SMARCA4: variants seen among roughly 807,000 people sequenced by gnomAD.
SMARCA4 encodes the protein SWI/SNF-related matrix-associated actin-dependent regulator of chromatin subfamily A member 4.
Under a neutral mutation model 193.9 loss-of-function variants are expected in SMARCA4, and 31 were observed. The observed-to-expected ratio is 0.16, with a 90% confidence interval of 0.12 to 0.22. The LOEUF (loss-of-function observed/expected upper bound fraction) is 0.22. Among genes scored for constraint, SMARCA4 ranks in the 10% least tolerant of loss-of-function variants. SMARCA4 has a pLI of 1.00. For synonymous variants in SMARCA4, 942 were observed against 933.1 expected, an observed-to-expected ratio of 1.01 and a Z score of -0.17; for missense variants, 1,148 against 2,296.0, an observed-to-expected ratio of 0.50 and a Z score of 10.22.
At chr19:10,970,346 A>G (rs1227169513) in intron 1 of SMARCA4, among the ~76,000 whole-genome samples, 7 of 152,160 alleles carry the variant, frequency 4.6e-5, no homozygotes, top group Non-Finnish European at 7.3e-5. Context: ...GGAATTCCCA[A>G]TTTATAGGTG....
At chr19:11,018,519 C>T (rs555566391) in intron 16 of SMARCA4, among the ~76,000 whole-genome samples, 2 of 152,262 alleles carry the variant, frequency 1.3e-5, no homozygotes, top group South Asian at 2.1e-4. Flanking sequence ...AGGAACCTTC[C>T]GTGGCTGGAG....
intron 1 of SMARCA4, among the ~76,000 whole-genome samples, chr19:10,981,350 T>A (rs1373261853): frequency 9.2e-5 from 14 of 152,214 alleles, no homozygotes; most frequent in Admixed American, 8.5e-4. Flanking sequence ...GGCTTCAGGC[T>A]CCAAAATCAG....
intron 8 of SMARCA4, among the ~76,000 whole-genome samples, chr19:10,991,638 A>G (rs1325526190): frequency 6.6e-6 from 1 of 152,186 alleles, no homozygotes; most frequent in Non-Finnish European, 1.5e-5. Flanking sequence ...TTTGGAGGTG[A>G]CATCTGGGCA....
intron 13 of SMARCA4, among the ~76,000 whole-genome samples, chr19:11,003,754 C>T (rs902240411): frequency 1.3e-5 from 2 of 151,252 alleles, no homozygotes; most frequent in Non-Finnish European, 2.9e-5. Flanking sequence ...CTCTGTCACC[C>T]AGGCTGGAGT....
At position 11,002,799 on chromosome 19, in the gene SMARCA4, CAA is replaced by C. The variant is rs747143883; in HGVS notation, c.1813-209_1813-208del. On this transcript the variant is annotated intron_variant, in intron 11 of 34. Coordinates refer to ENST00000344626, the MANE Select transcript of SMARCA4 (RefSeq NM_003072.5). ...TGGGTGACAGAGCGAGACTCCGTCT[CAA>C]AAAAAAAAAAAAAAAAAAAAGAAGA... is the stretch of plus-strand genomic sequence containing the variant. Among the ~76,000 whole-genome samples, 12,031 of 83,602 alleles carry C rather than the reference CAA, an allele frequency of 0.14. 380 individuals are homozygous for C. Among genetic ancestry groups the C allele is most frequent in the African/African-American group, 0.17 (3,604 of 21,522 alleles). 54.8% of individuals were successfully genotyped at this position (83,602 alleles called of 152,430 possible). A position where few individuals can be genotyped will look rare whatever the true frequency, so the allele number is the denominator to read the frequency against.
intron 30 of SMARCA4, among the ~76,000 whole-genome samples, chr19:11,046,944 G>A (rs2075960431): frequency 9.6e-6 from 1 of 103,766 alleles, no homozygotes; most frequent in African/African-American, 3.9e-5. Flanking sequence ...GTGAGACCCT[G>A]TTGCAAAAAA....
intron 1 of SMARCA4, among the ~76,000 whole-genome samples, chr19:10,967,838 C>T (rs988147895): frequency 2.6e-5 from 4 of 151,728 alleles, no homozygotes; most frequent in African/African-American, 9.7e-5. Context: ...GCGTGCGCCA[C>T]CATGCCCGGC....
In SMARCA4 at chr19:10,980,633, CAA is replaced by C. The variant is rs34189729; in HGVS notation, c.-31-3476_-31-3475del. On this transcript the variant is annotated intron_variant, in intron 1 of 34. Transcript: ENST00000344626. ...TGGGCGACAGAGTGAGACTCTGTCT[CAA>C]AAAAAAAAAAATGTACAATGAGGAG... 4.4e-3 allele frequency: 645 copies of C among 146,178 alleles called. 7 individuals carry two copies. The highest frequency in any genetic ancestry group is 0.013 in the African/African-American group (514 of 39,854). The allele number at this position is 146,178 out of a possible 1,614,324, so 9.1% of individuals were successfully genotyped here.
At chr19:10,970,733 G>A (rs902758882) in intron 1 of SMARCA4, among the ~76,000 whole-genome samples, 1 of 152,202 alleles carries the variant, frequency 6.6e-6, no homozygotes, top group Admixed American at 6.6e-5. Flanking sequence ...GGGAGATAGA[G>A]TCTGAATTGA....
chr19:11,020,344 G>GA (rs1356912630), intron 18 of SMARCA4, among the ~76,000 whole-genome samples: 3 of 152,066 alleles, frequency 2.0e-5, no homozygotes, highest in Non-Finnish European at 1.5e-5. Context: ...GAGGGGTAAA[G>GA]ATGTACCTGG....
chr19:11,036,081 T>C (rs1038976403), intron 29 of SMARCA4, among the ~76,000 whole-genome samples: 1 of 152,184 alleles, frequency 6.6e-6, no homozygotes, highest in African/African-American at 2.4e-5. Context: ...ACTCATGAGC[T>C]TGCCTGCCAA....
chr19:11,012,367 C>CA (rs773675489), intron 15 of SMARCA4: 992 of 147,276 alleles, frequency 6.7e-3, no homozygotes, highest in South Asian at 0.016. Context: ...GACTCGGTCT[C>CA]AAAAAAAAAA....
At chr19:11,006,384 A>G (rs972285199) in intron 13 of SMARCA4, among the ~76,000 whole-genome samples, 1 of 152,242 alleles carries the variant, frequency 6.6e-6, no homozygotes. Context: ...GTTATCAGAC[A>G]TATTGTAGAT....
At chr19:10,993,493 A>G (rs1221106292) in intron 8 of SMARCA4, among the ~76,000 whole-genome samples, 3 of 152,180 alleles carry the variant, frequency 2.0e-5, no homozygotes, top group Non-Finnish European at 2.9e-5. Flanking sequence ...ATATTTCCTT[A>G]AAATAAATTT....
intron 19 of SMARCA4, among the ~76,000 whole-genome samples, chr19:11,022,449 G>C (rs1433023225): frequency 6.6e-6 from 1 of 152,192 alleles, no homozygotes; most frequent in Non-Finnish European, 1.5e-5. Flanking sequence ...TCAATGTCTG[G>C]GTGGCACCAT....
chr19:11,033,009 C>T lies in SMARCA4; in HGVS notation c.3547-281C>T, dbSNP rs1374809416. 5.5e-6 allele frequency: 3 copies of T among 541,324 alleles called. No individual in the cohort carries two copies. The highest frequency in any genetic ancestry group is 3.8e-5 in the African/African-American group (2 of 52,902). The allele number at this position is 541,324 out of a possible 1,614,324, so 33.5% of individuals were successfully genotyped here. On this transcript the variant is annotated intron_variant, in intron 25 of 34. Transcript: ENST00000344626. This position sits in a 1 kb window ranked among gnomAD's most constrained non-coding sequence, Gnocchi z 9.8. ...ACGGGAGCTGCTTGAGAATATAATCCCCTGGGGGGTTGGTGCTTTCTTCCC... is the reference window on the plus strand; with the variant it reads ...ACGGGAGCTGCTTGAGAATATAATCTCCTGGGGGGTTGGTGCTTTCTTCCC...
At chr19:10,968,029 A>G (rs998255872) in intron 1 of SMARCA4, among the ~76,000 whole-genome samples, 1 of 151,148 alleles carries the variant, frequency 6.6e-6, no homozygotes, top group African/African-American at 2.4e-5. Context: ...GGCGCCCACC[A>G]CCATGCCCTG....
chr19:11,035,476 A>C (rs1461447251), intron 29 of SMARCA4, among the ~76,000 whole-genome samples: 1 of 152,186 alleles, frequency 6.6e-6, no homozygotes, highest in African/African-American at 2.4e-5. Flanking sequence ...ACCTGCCAGG[A>C]GGGAGGCACA....
rs189385065 is a variant in SMARCA4 at position 11,004,878 on chromosome 19, C to T, written c.2001+1481C>T. Among the ~76,000 whole-genome samples the T allele has an allele frequency of 3.7e-3, 548 of 149,936 alleles. 7 individuals are homozygous for T. Among genetic ancestry groups the T allele is most frequent in the African/African-American group, 0.013 (510 of 40,728 alleles). ...TTTTTGAGACGGAGTCTCGCTCTGTCACCCAGGCTGGAGTGCAGTGGAGCA... is the reference window on the plus strand; with the variant it reads ...TTTTTGAGACGGAGTCTCGCTCTGTTACCCAGGCTGGAGTGCAGTGGAGCA... On this transcript the variant is annotated intron_variant, in intron 13 of 34. Transcript: ENST00000344626.
Sources: allele counts gnomAD v4.1 joint callset (sites outside exome capture counted in the v4.1 genomes callset), GRCh38; gene constraint gnomAD v4.1.1; non-coding constraint Gnocchi (gnomAD v3.1); transcripts MANE v1.5; gene names NCBI Gene and HGNC (gene_info 2026-07-23, HGNC 2026-07-21).